The following PBX3 variants were observed in gnomAD, a reference collection of about 807,000 sequenced individuals.
PBX3 encodes PBX homeobox 3.
PBX3 carries 14 observed loss-of-function variants against 48.5 expected under a neutral mutation model. The observed-to-expected ratio is 0.29, with a 90% CI of 0.19 to 0.45. The LOEUF is 0.45. Ranked by LOEUF, PBX3 falls within the 20% of genes least tolerant of loss-of-function variation. The pLI, the probability that PBX3 is intolerant of heterozygous loss-of-function variation, is 1.00. For synonymous variants in PBX3, 210 were observed against 200.3 expected (o/e 1.05, Z -0.41); for missense variants, 386 against 546.7 (o/e 0.71, Z 2.93).
At chr9:125,874,298 A>G (rs377394099) in intron 2 of PBX3, among the ~76,000 whole-genome samples, 67 of 152,318 alleles carry the variant, frequency 4.4e-4, no homozygotes, top group African/African-American at 1.6e-3. Flanking sequence ...CACAAATTAT[A>G]TACCGTTGTA....
chr9:125,868,191 T>A (rs971072801), intron 2 of PBX3, among the ~76,000 whole-genome samples: 7 of 151,900 alleles, frequency 4.6e-5, no homozygotes, highest in Non-Finnish European at 1.0e-4. Context: ...TTTTTTTTTT[T>A]ACATGCTTCC....
At chr9:125,788,019 T>C (rs1588146365) in intron 2 of PBX3, among the ~76,000 whole-genome samples, 1 of 152,206 alleles carries the variant, frequency 6.6e-6, no homozygotes, top group East Asian at 1.9e-4. Flanking sequence ...GCCAGACTCA[T>C]GGAATTACTT....
At chr9:125,867,596 C>A (rs1354387595) in intron 2 of PBX3, among the ~76,000 whole-genome samples, 1 of 143,664 alleles carries the variant, frequency 7.0e-6, no homozygotes, top group Non-Finnish European at 1.5e-5. Flanking sequence ...GCCGAGATGG[C>A]ACCACTGCAC....
chr9:125,937,934 T>C (rs944612588), intron 5 of PBX3, among the ~76,000 whole-genome samples: 2 of 152,200 alleles, frequency 1.3e-5, no homozygotes, highest in African/African-American at 4.8e-5. Flanking sequence ...GTGCTGGGAT[T>C]ACAGGCATGA....
intron 1 of PBX3, 116 bp from the exon 2 acceptor site, chr9:125,748,434 A>G: frequency 2.0e-6 from 3 of 1,507,322 alleles, no homozygotes; most frequent in Non-Finnish European, 2.7e-6. Context: ...CCACGGTTCA[A>G]AAGGGCCTTC....
intron 2 of PBX3, among the ~76,000 whole-genome samples, chr9:125,847,647 G>T (rs959165648): frequency 6.6e-6 from 1 of 151,422 alleles, no homozygotes; most frequent in African/African-American, 2.4e-5. Flanking sequence ...TTCAGTAGTG[G>T]CATTAGGATT....
intron 3 of PBX3, among the ~76,000 whole-genome samples, chr9:125,919,153 T>G (rs1288751879): frequency 1.3e-5 from 2 of 152,172 alleles, no homozygotes; most frequent in Non-Finnish European, 2.9e-5. Context: ...TGGTTTTCTC[T>G]GATTTTCCCA....
At chr9:125,931,965 A>G (rs944446781) in intron 4 of PBX3, among the ~76,000 whole-genome samples, 6 of 152,304 alleles carry the variant, frequency 3.9e-5, no homozygotes, top group Admixed American at 6.5e-5. Flanking sequence ...GAATTATTAG[A>G]TCTGAGTTTG....
intron 2 of PBX3, among the ~76,000 whole-genome samples, chr9:125,871,212 C>T (rs1453672969): frequency 6.6e-6 from 1 of 152,058 alleles, no homozygotes; most frequent in Non-Finnish European, 1.5e-5. Flanking sequence ...GCCTGGCCAA[C>T]ATAGTGAAAC....
chr9:125,771,473 G>A (rs920520562), intron 2 of PBX3, among the ~76,000 whole-genome samples: 1 of 152,068 alleles, frequency 6.6e-6, no homozygotes, highest in Non-Finnish European at 1.5e-5. Flanking sequence ...GTTGGTCATG[G>A]TGAAAATATA....
intron 2 of PBX3, among the ~76,000 whole-genome samples, chr9:125,896,954 A>G (rs1840783981): frequency 6.6e-6 from 1 of 152,096 alleles, no homozygotes; most frequent in African/African-American, 2.4e-5. Context: ...CTGTTCATCT[A>G]TAATTGATTT....
intron 5 of PBX3, among the ~76,000 whole-genome samples, chr9:125,937,218 T>C (rs1841856504): frequency 6.6e-6 from 1 of 152,238 alleles, no homozygotes; most frequent in Non-Finnish European, 1.5e-5. Context: ...GCTGTAGTAC[T>C]TCACACTTTG....
intron 2 of PBX3, among the ~76,000 whole-genome samples, chr9:125,831,308 T>TCCCCTTCTTTCACCTAATGG (rs938285070): frequency 3.9e-5 from 6 of 152,210 alleles, no homozygotes; most frequent in Admixed American, 6.5e-5. Context: ...ATTGTAAAGT[T>TCCCCTTCTTTCACCTAATGG]CCCCTTCTTT....
rs770369947 is a variant in PBX3 at position 125,929,658 on chromosome 9, T to C, written c.520T>C (p.Cys174Arg). 1.2e-6 allele frequency: 2 copies of C among 1,601,922 alleles called. No homozygotes were observed. The highest frequency in any genetic ancestry group is 1.7e-5 in the Admixed American group (1 of 58,040). ...TGATTTTTTTTTCCCATTACAGGCA[T>C]GTAATGAATTTACTACACATGTGAT... Reference protein sequence around the residue: ...HTELEKYEQACNEFTTHVMNL... With the variant: ...HTELEKYEQARNEFTTHVMNL... Residue 174 changes from cysteine (C) to arginine (R), a missense_variant, in exon 4 of 9, where the codon TGT becomes CGT. This residue lies in a region of PBX3 where 74 missense variants were observed against 206.1 expected (regional missense o/e 0.36). Coordinates refer to ENST00000373489, the MANE Select transcript of PBX3 (RefSeq NM_006195.6).
chr9:125,918,548 C>T (rs1237358192), intron 3 of PBX3, among the ~76,000 whole-genome samples: 1 of 151,876 alleles, frequency 6.6e-6, no homozygotes, highest in Non-Finnish European at 1.5e-5. Context: ...AGCCTAATAA[C>T]GATCTAAATA....
intron 2 of PBX3, among the ~76,000 whole-genome samples, chr9:125,839,117 T>C (rs183601075): frequency 6.6e-6 from 1 of 152,350 alleles, no homozygotes; most frequent in Non-Finnish European, 1.5e-5. Context: ...ATAATCTTTC[T>C]GTGTTTTACT....
chr9:125,786,726 GA>G (rs1340333500), intron 2 of PBX3, among the ~76,000 whole-genome samples: 4 of 149,930 alleles, frequency 2.7e-5, no homozygotes, highest in Admixed American at 6.6e-5. Context: ...AGTATGTAGA[GA>G]TTTTTTTTTT....
chr9:125,789,729 C>T (rs1184946488), intron 2 of PBX3, among the ~76,000 whole-genome samples: 1 of 152,068 alleles, frequency 6.6e-6, no homozygotes, highest in African/African-American at 2.4e-5. Context: ...CCATTGGAGC[C>T]TTCTTAGAGG....
At chr9:125,960,525 T>C (rs1237912763) in intron 5 of PBX3, among the ~76,000 whole-genome samples, 159 bp from the exon 6 acceptor site, 1 of 152,106 alleles carries the variant, frequency 6.6e-6, no homozygotes, top group Non-Finnish European at 1.5e-5. Context: ...AAAGAGAAAA[T>C]AACCCCCAAA....
Sources: gnomAD v4.1 joint callset for allele counts (sites outside exome capture counted in the v4.1 genomes callset) on GRCh38, gnomAD v4.1.1 for gene constraint, gnomAD v4.1.1 regional missense constraint, MANE v1.5 for transcripts, NCBI Gene and HGNC (gene_info 2026-07-23, HGNC 2026-07-21) for gene names.